Variants in GOLGB1 observed in about 807,000 individuals in gnomAD.
GOLGB1 encodes the protein golgin subfamily B member 1.
A neutral mutation model predicts 336.9 loss-of-function variants in GOLGB1; 174 were observed. The ratio of observed to expected loss-of-function variants is 0.52; its 90% CI spans 0.46 to 0.59. The LOEUF (loss-of-function observed/expected upper bound fraction) is 0.59. Among genes scored for constraint, GOLGB1 ranks in the 20% least tolerant of loss-of-function variants. The pLI is 0.00. For missense variants in GOLGB1, 3,331 were observed against 3,645.3 expected (o/e 0.91, Z 2.22); for synonymous variants, 1,208 against 1,289.2 (o/e 0.94, Z 1.35).
chr3:121,743,034 C>T (rs1946990547), intron 1 of GOLGB1, among the ~76,000 whole-genome samples: 1 of 152,180 alleles, frequency 6.6e-6, no homozygotes, highest in Non-Finnish European at 1.5e-5. Flanking sequence ...TAAATTAGTT[C>T]AACCATTGTG....
Position 121,698,723 on chromosome 3 carries a change from C to A in GOLGB1, c.1800G>T (p.Gln600His). 6.2e-7 allele frequency: 1 copy of A among 1,613,738 alleles called. No individual in the cohort carries two copies. Among genetic ancestry groups the A allele is most frequent in the Non-Finnish European group, 8.5e-7 (1 of 1,179,736 alleles). ...AEEADHEVLD[Q>H]KEMKQMEGEG... ...CACCCTCCATCTGTTTCATTTCTTT[C>A]TGGTCAAGGACCTCATGATCTGCTT... Residue 600 changes from glutamine to histidine, a missense_variant, in exon 13 of 22, where the codon CAG becomes CAT. Physicochemically the swap from Gln to His is conservative, Grantham distance 24. Coordinates refer to ENST00000614479, the MANE Select transcript of GOLGB1 (RefSeq NM_001366282.2).
chr3:121,674,893 T>C (rs1397048838), intron 17 of GOLGB1, among the ~76,000 whole-genome samples: 1 of 144,286 alleles, frequency 6.9e-6, no homozygotes, highest in East Asian at 2.1e-4. Context: ...CGGACTGCAG[T>C]GGCGCAATCT....
At chr3:121,722,947 C>A (rs1050397396) in intron 5 of GOLGB1, among the ~76,000 whole-genome samples, 3 of 152,130 alleles carry the variant, frequency 2.0e-5, no homozygotes, top group African/African-American at 7.2e-5. Flanking sequence ...AGGGCTAGAG[C>A]AATCTAGGCC....
In GOLGB1 at chr3:121,690,673, T is replaced by A. The variant is rs1206462135; in HGVS notation, c.8691A>T (p.Arg2897Ser). The A allele has an allele frequency of 6.8e-7, 1 of 1,471,706 alleles. No individual in the cohort carries two copies. Among genetic ancestry groups the A allele is most frequent in the Non-Finnish European group, 9.1e-7 (1 of 1,098,028 alleles). The allele number at this position is 1,471,706 out of a possible 1,614,324, so 91.2% of individuals were successfully genotyped here. The change falls in exon 14 of 22, where the codon AGA becomes AGT. Residue 2897 changes from arginine (R) to serine (S), a missense_variant. By Grantham distance (110) the Arg-to-Ser change is moderately radical. Coordinates refer to ENST00000614479, the MANE Select transcript of GOLGB1 (RefSeq NM_001366282.2). ...AAAGAAAGAACTAGCTACTCACTAG[T>A]CTGTCTCTGTCATTTTGGAGTGAAG... ...AMSSLQNDRD[R>S]LLKELKNLQQ...
Position 121,669,281 on chromosome 3 carries a change from G to C in GOLGB1, c.9252C>G (p.Asn3084Lys), listed in dbSNP as rs1560164181. Residue 3084 changes from asparagine (N) to lysine (K), a missense_variant, in exon 18 of 22, where the codon AAC (asparagine) becomes AAG (lysine). Transcript: ENST00000614479. ...LCDTSQSLRE[N>K]QQHYGDLLNH... The stretch of plus-strand genomic sequence containing the variant: ...TTAAAAGGTCACCATAGTGCTGCTG[G>C]TTCTCACGAAGACTCTGACTGGTAT... 1 of 1,613,740 alleles carries C rather than the reference G, an allele frequency of 6.2e-7. No individual in the cohort carries two copies. Among genetic ancestry groups the C allele is most frequent in the Admixed American group, 1.7e-5 (1 of 60,024 alleles).
At position 121,718,437 on chromosome 3, in the gene GOLGB1, A is replaced by G; in HGVS notation, c.836T>C (p.Val279Ala). The G allele has an allele frequency of 6.2e-7, 1 of 1,614,040 alleles. No individual in the cohort carries two copies. Among genetic ancestry groups the G allele is most frequent in the South Asian group, 1.1e-5 (1 of 91,084 alleles). The change falls in exon 8 of 22, where the codon GTC (valine) becomes GCC (alanine). Residue 279 changes from valine to alanine, a missense_variant. Coordinates refer to ENST00000614479, the MANE Select transcript of GOLGB1 (RefSeq NM_001366282.2). ...HEESLVGRAQVVDLLQQELTA... is the reference protein window; with the variant it reads ...HEESLVGRAQAVDLLQQELTA... ...CAGCTCCTGTTGCAGCAAGTCAACG[A>G]CCTGAGCACGGCCCACCAAGGATTC...
rs1942469831 is a variant in GOLGB1, at chr3:121,691,962, C to T, written c.7402G>A (p.Val2468Ile). 6.2e-7 allele frequency: 1 copy of T among 1,613,956 alleles called. No homozygotes were observed. Among genetic ancestry groups the T allele is most frequent in the Non-Finnish European group, 8.5e-7 (1 of 1,179,928 alleles). ...IQQKAQLDSF[V>I]KSMSSLQNDR... ...TTTTGGAGAGAAGACATGGATTTAA[C>T]AAAGGAATCCAACTGTGCCTTTTGC... is the stretch of plus-strand genomic sequence containing the variant. Residue 2468 changes from valine to isoleucine, a missense_variant, in exon 14 of 22, where the codon GTT (valine) becomes ATT (isoleucine). Physicochemically the swap from Val to Ile is conservative, Grantham distance 29 (BLOSUM62 3). Transcript: ENST00000614479.
rs1474492633 is a variant in GOLGB1 at position 121,698,132 on chromosome 3, G to A, written c.2391C>T (p.Asn797=). 1.2e-6 allele frequency: 2 copies of A among 1,613,688 alleles called. No homozygotes were observed. The highest frequency in any genetic ancestry group is 2.7e-5 in the African/African-American group (2 of 74,922). Residue 797 remains asparagine, a synonymous_variant, in exon 13 of 22, where the codon AAC becomes AAT. Coordinates refer to ENST00000614479, the MANE Select transcript of GOLGB1 (RefSeq NM_001366282.2). The part of the protein sequence containing the change: ...LDYESQTAHD[N]LLTEQIHSLS... ...GACTATGGATCTGTTCAGTGAGCAG[G>A]TTGTCATGGGCAGTTTGGCTTTCAT... is the stretch of plus-strand genomic sequence containing the variant.
intron 9 of GOLGB1, among the ~76,000 whole-genome samples, chr3:121,715,204 C>CTTT (rs1391088214): frequency 5.2e-5 from 7 of 133,610 alleles, no homozygotes; most frequent in South Asian, 2.4e-4. Flanking sequence ...GGCCTAGGCA[C>CTTT]TTTTTTTTTT....
At chr3:121,679,785 C>T (rs554733203) in intron 15 of GOLGB1, among the ~76,000 whole-genome samples, 2 of 152,136 alleles carry the variant, frequency 1.3e-5, no homozygotes, top group South Asian at 2.1e-4. Flanking sequence ...TGCCTCTCTC[C>T]GACTGCCCCT....
Position 121,691,385 on chromosome 3 carries a change from A to ATTCTCTTT in GOLGB1, c.7971_7978dup (p.Ile2660LysfsTer22). ...AACCAATTCTTCTTCCAGTTCTGCA[A>ATTCTCTTT]TTCTCTTTTGAGAGGAGGAAAACAA... On this transcript the variant is annotated frameshift_variant, in exon 14 of 22. Transcript: ENST00000614479. LOFTEE classifies it high-confidence loss of function. 1 of 1,613,486 alleles carries ATTCTCTTT rather than the reference A, an allele frequency of 6.2e-7. No individual in the cohort carries two copies. The highest frequency in any genetic ancestry group is 8.5e-7 in the Non-Finnish European group (1 of 1,179,896).
At chr3:121,732,674 T>G (rs1202618377) in intron 1 of GOLGB1, among the ~76,000 whole-genome samples, 1 of 152,232 alleles carries the variant, frequency 6.6e-6, no homozygotes, top group Non-Finnish European at 1.5e-5. Flanking sequence ...TATTCATGAT[T>G]ATGAATTCAC....
intron 13 of GOLGB1, among the ~76,000 whole-genome samples, 160 bp downstream of exon 13, chr3:121,693,581 T>A (rs1275362813): frequency 1.3e-5 from 2 of 152,162 alleles, no homozygotes; most frequent in Non-Finnish European, 2.9e-5. Context: ...GTAGCAGGAT[T>A]GTTGTTTGCC....
At chr3:121,680,645 A>G (rs1940962661) in intron 15 of GOLGB1, among the ~76,000 whole-genome samples, 1 of 152,224 alleles carries the variant, frequency 6.6e-6, no homozygotes, top group Admixed American at 6.5e-5. Context: ...TCTGAATGAT[A>G]AAGAGAAAAT....
rs141396149 is a variant in GOLGB1, at chr3:121,698,016, G to T, written c.2507C>A (p.Thr836Asn). ...CTGGCTTTGCAGGCTTCTTATCAGGGTACTCTGCTCAGAAAACTGAAGCTG... is the reference window on the plus strand; with the variant it reads ...CTGGCTTTGCAGGCTTCTTATCAGGTTACTCTGCTCAGAAAACTGAAGCTG... ...DVQLQFSEQS[T>N]LIRSLQSQLQ... Residue 836 changes from threonine to asparagine, a missense_variant, in exon 13 of 22, where the codon ACC becomes AAC. Transcript: ENST00000614479. The T allele has an allele frequency of 8.2e-4, 1,327 of 1,613,984 alleles. 10 individuals carry two copies. The African/African-American group carries it at 0.016, about 19-fold the overall frequency.
Position 121,665,041 on chromosome 3 carries a change from G to C in GOLGB1, c.9555-10C>G. The C allele has an allele frequency of 6.7e-7, 1 of 1,484,234 alleles. No individual in the cohort carries two copies. The highest frequency in any genetic ancestry group is 9.4e-7 in the Non-Finnish European group (1 of 1,066,468). 91.9% of individuals were successfully genotyped at this position (1,484,234 alleles called of 1,614,324 possible). A position where few individuals can be genotyped will look rare whatever the true frequency, so the allele number is the denominator to read the frequency against. On this transcript the variant is annotated splice_polypyrimidine_tract_variant and intron_variant, in intron 20 of 21. Coordinates refer to ENST00000614479, the MANE Select transcript of GOLGB1 (RefSeq NM_001366282.2). ...TTCACTGTGCTCTAACCTGAGTTGA[G>C]AAAAAAAAGAGGCATAGCATTGGTT...
chr3:121,677,193 G>T, intron 16 of GOLGB1, 92 bp downstream of exon 16: 1 of 1,225,454 alleles, frequency 8.2e-7, no homozygotes, highest in Non-Finnish European at 1.2e-6. Context: ...TGCTTTCTGG[G>T]TAGCGTCTTA....
intron 14 of GOLGB1, among the ~76,000 whole-genome samples, chr3:121,689,839 C>A (rs192174777): frequency 6.9e-4 from 105 of 152,288 alleles, no homozygotes; most frequent in Non-Finnish European, 1.2e-3. Context: ...AATCCCCTAA[C>A]AAGCCAAGAG....
chr3:121,691,908 G>T lies in GOLGB1; in HGVS notation c.7456C>A (p.Gln2486Lys). 6.2e-7 allele frequency: 1 copy of T among 1,614,080 alleles called. No homozygotes were observed. The highest frequency in any genetic ancestry group is 8.5e-7 in the Non-Finnish European group (1 of 1,179,928). ...NDRDRIVGDY[Q>K]QLEERHLSII... ...GAGAGATGTCGCTCTTCCAGCTGTT[G>T]ATAGTCACCCACTATGCGGTCTCGA... is the stretch of plus-strand genomic sequence containing the variant. The change falls in exon 14 of 22, where the codon CAA becomes AAA. Residue 2486 changes from glutamine (Q) to lysine (K), a missense_variant. Coordinates refer to ENST00000614479, the MANE Select transcript of GOLGB1 (RefSeq NM_001366282.2).
Sources: gnomAD v4.1 joint callset for allele counts (sites outside exome capture counted in the v4.1 genomes callset) on GRCh38, gnomAD v4.1.1 for gene constraint, MANE v1.5 for transcripts, NCBI Gene and HGNC (gene_info 2026-07-23, HGNC 2026-07-21) for gene names.